GRIN2A: variants seen among roughly 807,000 people sequenced by gnomAD.
The protein encoded by GRIN2A is glutamate receptor ionotropic, NMDA 2A.
A neutral mutation model predicts 113.4 loss-of-function variants in GRIN2A; 22 were observed. The observed-to-expected ratio is 0.19, with a 90% CI of 0.14 to 0.28. GRIN2A has a LOEUF of 0.28. Ranked by LOEUF, GRIN2A falls within the 10% of genes least tolerant of loss-of-function variation. GRIN2A has a pLI of 1.00. For missense variants in GRIN2A, 1,502 were observed against 1,887.0 expected, an observed-to-expected ratio of 0.80 and a Z score of 3.78; for synonymous variants, 827 against 738.4, an observed-to-expected ratio of 1.12 and a Z score of -1.94.
chr16:10,090,164 A>G (rs1457942940), intron 2 of GRIN2A, among the ~76,000 whole-genome samples: 2 of 152,134 alleles, frequency 1.3e-5, no homozygotes, highest in Non-Finnish European at 2.9e-5. Flanking sequence ...ATTTTACCAT[A>G]TCTATCTCCA....
chr16:9,837,207 T>G (rs2042596178), intron 7 of GRIN2A, among the ~76,000 whole-genome samples: 1 of 152,122 alleles, frequency 6.6e-6, no homozygotes, highest in Non-Finnish European at 1.5e-5. Flanking sequence ...AATAAGGGGG[T>G]GCACAGTCAA....
At chr16:9,858,227 C>T (rs1435486143) in intron 4 of GRIN2A, among the ~76,000 whole-genome samples, 1 of 152,030 alleles carries the variant, frequency 6.6e-6, no homozygotes, top group Non-Finnish European at 1.5e-5. Context: ...GAGAAGAAAG[C>T]AATAAAGTGG....
chr16:9,855,419 C>T (rs2042951034), intron 4 of GRIN2A, among the ~76,000 whole-genome samples: 1 of 152,194 alleles, frequency 6.6e-6, no homozygotes. Context: ...TTAAACTTAT[C>T]TTCAGGAAAA....
intron 4 of GRIN2A, among the ~76,000 whole-genome samples, chr16:9,875,236 T>A (rs2043341168): frequency 6.6e-6 from 1 of 151,864 alleles, no homozygotes; most frequent in South Asian, 2.1e-4. Flanking sequence ...CATCATCATA[T>A]TTTTTTTATA....
intron 3 of GRIN2A, 106 bp downstream of exon 3, chr16:9,937,853 T>G (rs1304914736): frequency 1.3e-6 from 1 of 790,128 alleles, no homozygotes; most frequent in African/African-American, 1.7e-5. Context: ...ACACATAACA[T>G]TCTGCATTTT....
chr16:10,070,720 G>A (rs1344365458), intron 2 of GRIN2A, among the ~76,000 whole-genome samples: 1 of 152,034 alleles, frequency 6.6e-6, no homozygotes, highest in Non-Finnish European at 1.5e-5. Flanking sequence ...TGGACCTCTG[G>A]GCTGCCTTTT....
chr16:10,142,826 T>C (rs911611071), intron 2 of GRIN2A, among the ~76,000 whole-genome samples: 5 of 152,234 alleles, frequency 3.3e-5, no homozygotes, highest in Admixed American at 2.0e-4. Context: ...CACATTCCCA[T>C]GTAAAATTCT....
At chr16:10,013,130 CA>C (rs2046540745) in intron 2 of GRIN2A, among the ~76,000 whole-genome samples, 1 of 152,108 alleles carries the variant, frequency 6.6e-6, no homozygotes, top group African/African-American at 2.4e-5. Flanking sequence ...CAAACCTTCG[CA>C]TGTACCCCCA....
chr16:9,851,067 C>T (rs946630754), intron 4 of GRIN2A, among the ~76,000 whole-genome samples: 32 of 152,272 alleles, frequency 2.1e-4, no homozygotes, highest in African/African-American at 7.7e-4. Context: ...CCACTCACCT[C>T]TCCTCCTGTA....
chr16:10,028,817 T>C (rs1200886555), intron 2 of GRIN2A, among the ~76,000 whole-genome samples: 1 of 152,216 alleles, frequency 6.6e-6, no homozygotes, highest in Non-Finnish European at 1.5e-5. Context: ...CTTCCTTAGA[T>C]GATCTGTAAA....
At chr16:9,835,009 T>A (rs78174306) in intron 7 of GRIN2A, among the ~76,000 whole-genome samples, 2 of 152,152 alleles carry the variant, frequency 1.3e-5, no homozygotes, top group East Asian at 3.9e-4. Context: ...AAAGATGATA[T>A]GCAGGGAATT....
chr16:10,177,439 GTC>G (rs1180624270), intron 2 of GRIN2A, among the ~76,000 whole-genome samples: 1 of 152,110 alleles, frequency 6.6e-6, no homozygotes, highest in Non-Finnish European at 1.5e-5. Context: ...AGTGGCCAAT[GTC>G]TCCAAGACCA....
intron 2 of GRIN2A, among the ~76,000 whole-genome samples, chr16:10,169,977 AT>A (rs1002892478): frequency 7.2e-5 from 11 of 152,146 alleles, no homozygotes; most frequent in African/African-American, 2.4e-4. Context: ...AAACAAACAA[AT>A]AAAAAGTCTG....
chr16:9,906,228 A>C (rs2044025451), intron 3 of GRIN2A, among the ~76,000 whole-genome samples: 1 of 152,180 alleles, frequency 6.6e-6, no homozygotes, highest in Non-Finnish European at 1.5e-5. Flanking sequence ...CCACTGTCCA[A>C]AAATAAAATC....
intron 4 of GRIN2A, among the ~76,000 whole-genome samples, chr16:9,864,672 T>C (rs1159260228): frequency 2.0e-5 from 3 of 152,172 alleles, no homozygotes; most frequent in South Asian, 2.1e-4. Context: ...GTTAACCTCA[T>C]TGACTGTGTC....
chr16:10,087,296 C>T (rs180870959), intron 2 of GRIN2A, among the ~76,000 whole-genome samples: 2 of 152,352 alleles, frequency 1.3e-5, no homozygotes, highest in Admixed American at 1.3e-4. Context: ...GCTGTCCCTC[C>T]TCTCTACAGG....
intron 2 of GRIN2A, among the ~76,000 whole-genome samples, chr16:10,132,275 C>T (rs150732499): frequency 5.5e-4 from 79 of 144,910 alleles, no homozygotes; most frequent in African/African-American, 1.8e-3. Flanking sequence ...GAGGTTGCAG[C>T]GAGCTGAGAT....
At chr16:10,132,892 C>T (rs2142224178) in intron 2 of GRIN2A, among the ~76,000 whole-genome samples, 1 of 152,320 alleles carries the variant, frequency 6.6e-6, no homozygotes, top group Non-Finnish European at 1.5e-5. Context: ...AATGGACCAG[C>T]AGGCCTTCCT....
At chr16:9,824,909 T>G (rs1482726819) in intron 9 of GRIN2A, among the ~76,000 whole-genome samples, 1 of 151,912 alleles carries the variant, frequency 6.6e-6, no homozygotes, top group Non-Finnish European at 1.5e-5. Flanking sequence ...AGTCCCAGGG[T>G]CTACATCCAG....
Sources: allele counts gnomAD v4.1 joint callset (sites outside exome capture counted in the v4.1 genomes callset), GRCh38; gene constraint gnomAD v4.1.1; transcripts MANE v1.5; gene names NCBI Gene and HGNC (gene_info 2026-07-23, HGNC 2026-07-21).